WDR70: variants seen among roughly 807,000 people sequenced by gnomAD.
The protein encoded by WDR70 is WD repeat-containing protein 70.
Under a neutral mutation model 88.6 loss-of-function variants are expected in WDR70, and 53 were observed. The ratio of observed to expected loss-of-function variants is 0.60; its 90% CI spans 0.48 to 0.75. The LOEUF (loss-of-function observed/expected upper bound fraction) is 0.75. Ranked by LOEUF, WDR70 falls within the 30% of genes least tolerant of loss-of-function variation. The pLI is 0.00. For missense variants in WDR70, 610 were observed against 823.2 expected, an observed-to-expected ratio of 0.74 and a Z score of 3.17; for synonymous variants, 280 against 270.0, an observed-to-expected ratio of 1.04 and a Z score of -0.36.
intron 9 of WDR70, among the ~76,000 whole-genome samples, chr5:37,600,484 G>A (rs189418534): frequency 1.6e-4 from 22 of 136,600 alleles, no homozygotes; most frequent in African/African-American, 5.3e-4. Flanking sequence ...CCGAGATTGC[G>A]CCACTGCACT....
Position 37,702,014 on chromosome 5 carries a change from C to A in WDR70, c.1277+872C>A, listed in dbSNP as rs142905455. Among the ~76,000 whole-genome samples, 3 of 152,160 alleles carry A rather than the reference C, an allele frequency of 2.0e-5. No individual in the cohort carries two copies. The East Asian group carries it at 5.8e-4, about 29-fold the overall frequency. The stretch of plus-strand genomic sequence containing the variant: ...AAAGGTTTTTTTGAAGCAGCTGAGG[C>A]AAAACTTGACCTCTAAGTCCTATAG... On this transcript the variant is annotated intron_variant, in intron 12 of 17. Transcript: ENST00000265107.
At chr5:37,407,292 G>C (rs1009021575) in intron 5 of WDR70, among the ~76,000 whole-genome samples, 2 of 152,056 alleles carry the variant, frequency 1.3e-5, no homozygotes, top group East Asian at 3.9e-4. Flanking sequence ...GAGGTCAAGG[G>C]GGGCTGGATC....
At chr5:37,552,749 T>A (rs1581387846) in intron 9 of WDR70, among the ~76,000 whole-genome samples, 1 of 152,234 alleles carries the variant, frequency 6.6e-6, no homozygotes, top group African/African-American at 2.4e-5. Flanking sequence ...TTTGGGTCGT[T>A]CGCTACATTT....
chr5:37,502,747 C>T (rs1403616905), intron 8 of WDR70, among the ~76,000 whole-genome samples: 2 of 152,160 alleles, frequency 1.3e-5, no homozygotes, highest in Admixed American at 6.5e-5. Context: ...CCTGGGGAAG[C>T]TTTTACTCGT....
intron 9 of WDR70, among the ~76,000 whole-genome samples, chr5:37,600,757 TTGA>T (rs1385901021): frequency 6.6e-6 from 1 of 152,102 alleles, no homozygotes; most frequent in African/African-American, 2.4e-5. Flanking sequence ...ATTAAAACTG[TTGA>T]TGAGGAGGCA....
intron 9 of WDR70, among the ~76,000 whole-genome samples, chr5:37,523,378 G>A (rs1396633623): frequency 6.6e-6 from 1 of 152,204 alleles, no homozygotes; most frequent in Non-Finnish European, 1.5e-5. Context: ...AGGGCCTGGA[G>A]TGGACCTCCA....
chr5:37,481,957 G>A lies in WDR70; in HGVS notation c.840+1970G>A, dbSNP rs151288444. On this transcript the variant is annotated intron_variant, in intron 8 of 17. Coordinates refer to ENST00000265107, the MANE Select transcript of WDR70 (RefSeq NM_018034.4). ...TTTCACTCTTTCCCGCCTATCTTATGCCCTTTTCTAATACAGGGGCACAAT... is the reference window on the plus strand; with the variant it reads ...TTTCACTCTTTCCCGCCTATCTTATACCCTTTTCTAATACAGGGGCACAAT... Among the ~76,000 whole-genome samples, 15 of 152,258 alleles carry A rather than the reference G, an allele frequency of 9.9e-5. No homozygotes were observed. The East Asian group carries it at 2.9e-3, about 29-fold the overall frequency.
chr5:37,666,493 T>C (rs1180027422), intron 10 of WDR70, among the ~76,000 whole-genome samples: 1 of 152,202 alleles, frequency 6.6e-6, no homozygotes, highest in Admixed American at 6.5e-5. Context: ...GGCCTGAGAT[T>C]GGGTCTAGCA....
At chr5:37,416,174 G>T (rs1362407061) in intron 5 of WDR70, among the ~76,000 whole-genome samples, 3 of 152,208 alleles carry the variant, frequency 2.0e-5, no homozygotes, top group Non-Finnish European at 4.4e-5. Flanking sequence ...GGGAGGTGGA[G>T]GTTGTAGCGA....
At chr5:37,443,777 G>A (rs897865913) in intron 7 of WDR70, among the ~76,000 whole-genome samples, 3 of 152,092 alleles carry the variant, frequency 2.0e-5, no homozygotes, top group African/African-American at 7.2e-5. Flanking sequence ...GCTCTAGCCT[G>A]AGGGGTGGAG....
At chr5:37,403,009 C>T (rs2019855) in intron 5 of WDR70, among the ~76,000 whole-genome samples, 114,205 of 145,684 alleles carry the variant, frequency 0.78, 44,736 homozygotes, top group African/African-American at 0.8. Flanking sequence ...TGCACTGGCA[C>T]GATCTTGACT....
intron 7 of WDR70, among the ~76,000 whole-genome samples, chr5:37,448,028 C>A (rs1471927138): frequency 2.0e-5 from 3 of 152,080 alleles, no homozygotes; most frequent in Non-Finnish European, 4.4e-5. Flanking sequence ...AGGATAAAAG[C>A]TTAGTTATCT....
intron 9 of WDR70, among the ~76,000 whole-genome samples, chr5:37,604,491 GT>G (rs1743974908): frequency 6.6e-6 from 1 of 152,202 alleles, no homozygotes; most frequent in Non-Finnish European, 1.5e-5. Context: ...GAGTACAAGG[GT>G]GTTACACCTC....
intron 10 of WDR70, among the ~76,000 whole-genome samples, chr5:37,617,882 A>T (rs185939639): frequency 8.5e-5 from 13 of 152,326 alleles, no homozygotes; most frequent in African/African-American, 1.9e-4. Flanking sequence ...GAAGGGAAAA[A>T]TGTAGCTGGT....
intron 9 of WDR70, among the ~76,000 whole-genome samples, chr5:37,527,840 AAAG>A (rs1741345529): frequency 6.6e-6 from 1 of 152,246 alleles, no homozygotes; most frequent in Admixed American, 6.5e-5. Context: ...ACACTTCTCA[AAAG>A]AAGTCATTTA....
At chr5:37,549,751 C>G (rs1303292722) in intron 9 of WDR70, among the ~76,000 whole-genome samples, 2 of 152,148 alleles carry the variant, frequency 1.3e-5, no homozygotes, top group Admixed American at 6.5e-5. Flanking sequence ...TTCTCCTATT[C>G]AGTATGATAC....
chr5:37,473,713 G>A (rs1739397239), intron 7 of WDR70, among the ~76,000 whole-genome samples: 1 of 152,062 alleles, frequency 6.6e-6, no homozygotes, highest in Non-Finnish European at 1.5e-5. Context: ...CTTTATGCTG[G>A]ATTTTTAGAA....
chr5:37,415,408 G>T (rs1749678567), intron 5 of WDR70, among the ~76,000 whole-genome samples: 1 of 101,954 alleles, frequency 9.8e-6, no homozygotes, highest in African/African-American at 2.7e-5. Context: ...GCCGGGCGGG[G>T]GGCTGACCCC....
At chr5:37,446,836 C>A (rs956355908) in intron 7 of WDR70, among the ~76,000 whole-genome samples, 27 of 152,088 alleles carry the variant, frequency 1.8e-4, no homozygotes, top group African/African-American at 6.3e-4. Context: ...CCATAAAAAC[C>A]CTAGAAGAAA....
Sources: allele counts gnomAD v4.1 joint callset (sites outside exome capture counted in the v4.1 genomes callset), GRCh38; gene constraint gnomAD v4.1.1; transcripts MANE v1.5; gene names NCBI Gene and HGNC (gene_info 2026-07-23, HGNC 2026-07-21).